Variants in BCLAF1 observed in about 807,000 individuals in gnomAD.
BCLAF1 encodes the protein bcl-2-associated transcription factor 1.
Under a neutral mutation model 99.5 loss-of-function variants are expected in BCLAF1, and 10 were observed. The observed-to-expected ratio is 0.10, with a 90% CI of 0.06 to 0.17. The LOEUF (loss-of-function observed/expected upper bound fraction) is 0.17, where lower values mean the gene tolerates loss of function less well. Ranked by LOEUF, BCLAF1 falls within the 10% of genes least tolerant of loss-of-function variation. The pLI, the probability that BCLAF1 is intolerant of heterozygous loss-of-function variation, is 1.00. For missense variants in BCLAF1, 636 were observed against 1,105.8 expected (o/e 0.58, Z 6.02); for synonymous variants, 255 against 370.9 (o/e 0.69, Z 3.59).
rs1426417067 is a variant in BCLAF1 at position 136,257,626 on chromosome 6, T to C, written c.*3484A>G. The C allele has an allele frequency of 2.6e-5, 4 of 152,190 alleles. No individual in the cohort carries two copies. Among genetic ancestry groups the C allele is most frequent in the Admixed American group, 2.0e-4 (3 of 15,290 alleles). The allele number at this position is 152,190 out of a possible 1,614,324, so 9.4% of individuals were successfully genotyped here. ...CAATAAAATTTGAAACATTTAATAATAGTATCAACTATTTGAGAACTCTAA... is the reference window on the plus strand; with the variant it reads ...CAATAAAATTTGAAACATTTAATAACAGTATCAACTATTTGAGAACTCTAA... On this transcript the variant is annotated 3_prime_UTR_variant, in exon 13 of 13. Transcript: ENST00000531224.
In BCLAF1 at chr6:136,261,124, G is replaced by C; in HGVS notation, c.2758-9C>G. The stretch of plus-strand genomic sequence containing the variant: ...CTTCATATTTATTATTCCTAAAAGA[G>C]AGAGAAAAAATTAAAGATTAACAAA... On this transcript the variant is annotated splice_polypyrimidine_tract_variant and intron_variant, in intron 12 of 12. Transcript: ENST00000531224. The C allele has an allele frequency of 6.3e-7, 1 of 1,576,968 alleles. No homozygotes were observed. Among genetic ancestry groups the C allele is most frequent in the Non-Finnish European group, 8.6e-7 (1 of 1,161,302 alleles).
intron 1 of BCLAF1, among the ~76,000 whole-genome samples, chr6:136,285,761 A>G (rs752069161): frequency 2.6e-5 from 4 of 152,220 alleles, no homozygotes; most frequent in Non-Finnish European, 5.9e-5. Context: ...ATGAAATAAT[A>G]CATAATGACC....
In BCLAF1 at chr6:136,276,408, C is replaced by T. The variant is rs1295532230; in HGVS notation, c.1117G>A (p.Gly373Arg). The T allele has an allele frequency of 1.3e-6, 2 of 1,564,936 alleles. No homozygotes were observed. Among genetic ancestry groups the T allele is most frequent in the Non-Finnish European group, 1.7e-6 (2 of 1,163,492 alleles). ...EKGSEKGRAE[G>R]EWEDQEALDY... is the part of the protein sequence containing the mutation. ...AGAGCTTCCTGATCTTCCCATTCTC[C>T]CTCTGCCCTCCCTTTCTCTGATCCT... The change falls in exon 5 of 13, where the codon GGA (glycine) becomes AGA (arginine). Residue 373 changes from glycine (G) to arginine (R), a missense_variant. Physicochemically the swap from Gly to Arg is moderately radical, Grantham distance 125. Transcript: ENST00000531224.
chr6:136,266,687 C>T (rs1781762336), intron 11 of BCLAF1, among the ~76,000 whole-genome samples: 1 of 152,058 alleles, frequency 6.6e-6, no homozygotes, highest in South Asian at 2.1e-4. Context: ...GAAGGTACAT[C>T]TTAATGTGAA....
chr6:136,279,954 A>AT (rs1784150800), intron 2 of BCLAF1, 78 bp from the exon 3 acceptor site: 1 of 1,291,084 alleles, frequency 7.7e-7, no homozygotes, highest in African/African-American at 1.5e-5. Context: ...TTATTTTCAG[A>AT]TAAAATTTGA....
rs1342935625 is a variant in BCLAF1 at position 136,277,746 on chromosome 6, GAAGTC to G, written c.1016+114_1016+118del. 1.2e-5 allele frequency: 14 copies of G among 1,148,196 alleles called. No homozygotes were observed. In the African/African-American group the frequency reaches 1.5e-4, roughly 12 times the overall value. 71.1% of individuals were successfully genotyped at this position (1,148,196 alleles called of 1,614,324 possible). ...AATTTGGAATTATCTTAAAATGAAGGAAGTCAAGAGTAAAAACCGCTAGTTAAATA... is the reference window on the plus strand; with the variant it reads ...AATTTGGAATTATCTTAAAATGAAGGAAGAGTAAAAACCGCTAGTTAAATA... On this transcript the variant is annotated intron_variant, in intron 4 of 12. Transcript: ENST00000531224.
rs534410488 is a variant in BCLAF1, at chr6:136,271,907, G to T, written c.2043+88C>A. On this transcript the variant is annotated intron_variant, in intron 8 of 12. Transcript: ENST00000531224. ...GAATTAAAAGTAGAAGATATCTATA[G>T]ACATTTTGCCTTGAGAAACTATATT... 56 of 879,374 alleles carry T rather than the reference G, an allele frequency of 6.4e-5. No homozygotes were observed. In the South Asian group the frequency reaches 7.9e-4, roughly 12 times the overall value. 54.5% of individuals were successfully genotyped at this position (879,374 alleles called of 1,614,324 possible). A position where few individuals can be genotyped will look rare whatever the true frequency, so the allele number is the denominator to read the frequency against.
intron 1 of BCLAF1, among the ~76,000 whole-genome samples, 200 bp downstream of exon 1, chr6:136,289,513 C>A (rs1412631107): frequency 6.6e-6 from 1 of 152,262 alleles, no homozygotes; most frequent in Non-Finnish European, 1.5e-5. Flanking sequence ...CACTGCTCAG[C>A]GCCCCCGCCC....
In BCLAF1 at chr6:136,260,064, A is replaced by AT. The variant is rs1780777975; in HGVS notation, c.*1045dup. 6.6e-6 allele frequency: 1 copy of AT among 152,046 alleles called. No homozygotes were observed. The highest frequency in any genetic ancestry group is 1.5e-5 in the Non-Finnish European group (1 of 67,912). The allele number at this position is 152,046 out of a possible 1,614,324, so 9.4% of individuals were successfully genotyped here. On this transcript the variant is annotated 3_prime_UTR_variant, in exon 13 of 13. Transcript: ENST00000531224. ...CAACAAGCTTCCTGCCAAAACTTTTATTGGTGACATTTGAAAAACAATTTT... is the reference window on the plus strand; with the variant it reads ...CAACAAGCTTCCTGCCAAAACTTTTATTTGGTGACATTTGAAAAACAATTTT...
intron 1 of BCLAF1, among the ~76,000 whole-genome samples, chr6:136,288,033 T>C (rs1009712720): frequency 5.3e-5 from 8 of 152,104 alleles, no homozygotes; most frequent in South Asian, 2.1e-4. Context: ...AATCAGTCAA[T>C]CAACCAGACC....
At chr6:136,269,141 A>T in intron 9 of BCLAF1, 1 of 1,226,274 alleles carries the variant, frequency 8.2e-7, no homozygotes, top group Non-Finnish European at 1.0e-6. Flanking sequence ...AAGTTCTTAC[A>T]CAAACTGTTT....
At chr6:136,276,824 T>C (rs1584067946) in intron 4 of BCLAF1, among the ~76,000 whole-genome samples, 1 of 152,328 alleles carries the variant, frequency 6.6e-6, no homozygotes, top group African/African-American at 2.4e-5. Context: ...AAATTTAATT[T>C]TTGAAACTAA....
Position 136,275,454 on chromosome 6 carries a change from T to C in BCLAF1, c.1852+78A>G. On this transcript the variant is annotated intron_variant, in intron 6 of 12. Coordinates refer to ENST00000531224, the MANE Select transcript of BCLAF1 (RefSeq NM_014739.3). Reference sequence around the variant, plus strand: ...ATTTGCTAGCCCTGGGGTACATGAATTATTAAGCATAATTACACATTTTTT... The same window carrying C: ...ATTTGCTAGCCCTGGGGTACATGAACTATTAAGCATAATTACACATTTTTT... The C allele has an allele frequency of 1.5e-6, 2 of 1,355,248 alleles. 1 individual carries two copies. The highest frequency in any genetic ancestry group is 5.5e-5 in the Admixed American group (2 of 36,668). 84.0% of individuals were successfully genotyped at this position (1,355,248 alleles called of 1,614,324 possible).
At chr6:136,284,128 GTGTATATATATATATA>G (rs1294037734) in intron 1 of BCLAF1, among the ~76,000 whole-genome samples, 4 of 81,352 alleles carry the variant, frequency 4.9e-5, no homozygotes, top group African/African-American at 1.8e-4. Flanking sequence ...GTGTGTGTGT[GTGTATATATATATATA>G]TATATATATA....
chr6:136,267,716 G>A (rs903527729), intron 10 of BCLAF1, among the ~76,000 whole-genome samples: 3 of 151,918 alleles, frequency 2.0e-5, no homozygotes, highest in Non-Finnish European at 4.4e-5. Flanking sequence ...TATATGCTAT[G>A]TGAAATATTT....
chr6:136,284,950 T>A (rs1685235924), intron 1 of BCLAF1, among the ~76,000 whole-genome samples: 1 of 152,058 alleles, frequency 6.6e-6, no homozygotes. Context: ...CAGGGAACAC[T>A]GCAAAGATTC....
At chr6:136,287,142 G>GAA (rs982890127) in intron 1 of BCLAF1, among the ~76,000 whole-genome samples, 1 of 138,022 alleles carries the variant, frequency 7.2e-6, no homozygotes. Context: ...TGTGTCTCAA[G>GAA]AAAAAAAAAA....
chr6:136,273,547 A>G (rs1371670233), intron 6 of BCLAF1: 7 of 166,478 alleles, frequency 4.2e-5, no homozygotes, highest in African/African-American at 1.7e-4. Flanking sequence ...TACTTCAAGT[A>G]ATCATTTGCA....
rs1306879329 is a variant in BCLAF1 at position 136,259,574 on chromosome 6, G to GA, written c.*1535dup. The GA allele has an allele frequency of 6.6e-6, 1 of 151,958 alleles. No individual in the cohort carries two copies. The highest frequency in any genetic ancestry group is 2.4e-5 in the African/African-American group (1 of 41,422). The allele number at this position is 151,958 out of a possible 1,614,324, so 9.4% of individuals were successfully genotyped here. A position where few individuals can be genotyped will look rare whatever the true frequency, so the allele number is the denominator to read the frequency against. On this transcript the variant is annotated 3_prime_UTR_variant, in exon 13 of 13. Transcript: ENST00000531224. ...ATTTTAGAAAGACATGTTAACGGGGGAAAATCACACAATACTAAGGATCTG... is the reference window on the plus strand; with the variant it reads ...ATTTTAGAAAGACATGTTAACGGGGGAAAAATCACACAATACTAAGGATCTG...
Sources: gnomAD v4.1 joint callset for allele counts (sites outside exome capture counted in the v4.1 genomes callset) on GRCh38, gnomAD v4.1.1 for gene constraint, MANE v1.5 for transcripts, NCBI Gene and HGNC (gene_info 2026-07-23, HGNC 2026-07-21) for gene names.